The following ARB2A variants were observed in gnomAD, a reference collection of about 807,000 sequenced individuals.
ARB2A encodes the protein cotranscriptional regulator ARB2A.
the ARB2A span, among the ~76,000 whole-genome samples, chr5:93,834,693 T>C: frequency 2.0e-5 from 3 of 152,202 alleles, no homozygotes; most frequent in African/African-American, 4.8e-5. Context: ...ATTACATTAC[T>C]AATAATACAT....
the ARB2A span, among the ~76,000 whole-genome samples, chr5:93,640,574 ATGTGTGTGTG>A: frequency 1.4e-5 from 2 of 143,562 alleles, no homozygotes; most frequent in African/African-American, 2.6e-5. Context: ...GTGTGTGTGT[ATGTGTGTGTG>A]TGTGTGTGTG....
the ARB2A span, among the ~76,000 whole-genome samples, chr5:93,867,216 A>G: frequency 6.6e-6 from 1 of 152,192 alleles, no homozygotes; most frequent in African/African-American, 2.4e-5. Flanking sequence ...TTGCTATGAC[A>G]GAACCAATAT....
the ARB2A span, among the ~76,000 whole-genome samples, chr5:93,971,569 A>AAAATAAAT: frequency 0.57 from 78,594 of 138,974 alleles, 22,651 homozygotes; most frequent in East Asian, 0.63. Flanking sequence ...CTCCGTCTCA[A>AAAATAAAT]AAATAAATAA....
At chr5:93,777,055 A>G in the ARB2A span, among the ~76,000 whole-genome samples, 1 of 150,498 alleles carries the variant, frequency 6.6e-6, no homozygotes, top group African/African-American at 2.4e-5. Flanking sequence ...TAAAAATACT[A>G]TTTTTAAATT....
chr5:93,856,364 T>G, the ARB2A span, among the ~76,000 whole-genome samples: 1 of 152,226 alleles, frequency 6.6e-6, no homozygotes, highest in East Asian at 1.9e-4. Context: ...CTGGATAATA[T>G]CCTGCAGAGT....
chr5:94,089,428 G>T, the ARB2A span, among the ~76,000 whole-genome samples: 8 of 152,086 alleles, frequency 5.3e-5, no homozygotes, highest in Non-Finnish European at 1.2e-4. Context: ...TTTGCTAGAA[G>T]ACCGCAGGTA....
At chr5:93,737,995 T>A in the ARB2A span, 274 of 420,546 alleles carry the variant, frequency 6.5e-4, 1 homozygote, top group African/African-American at 5.5e-3. Context: ...TTAAAGTCTG[T>A]CTGCATCAAA....
chr5:93,673,518 T>C, the ARB2A span, among the ~76,000 whole-genome samples: 3 of 152,148 alleles, frequency 2.0e-5, no homozygotes, highest in African/African-American at 7.2e-5. Context: ...AAAGAACAAA[T>C]TGGCATAGGA....
chr5:93,762,980 C>T, the ARB2A span, among the ~76,000 whole-genome samples: 1 of 152,066 alleles, frequency 6.6e-6, no homozygotes, highest in African/African-American at 2.4e-5. Context: ...GAAATAAAAT[C>T]CTTTACAGAC....
the ARB2A span, among the ~76,000 whole-genome samples, chr5:94,053,914 G>A: frequency 2.0e-5 from 3 of 152,024 alleles, no homozygotes; most frequent in East Asian, 1.9e-4. Context: ...GACTACAGGC[G>A]GGTGCCCCCA....
chr5:93,772,077 C>T, the ARB2A span, among the ~76,000 whole-genome samples: 7 of 152,168 alleles, frequency 4.6e-5, no homozygotes, highest in African/African-American at 1.4e-4. Context: ...CAATGATAGA[C>T]TGGATTAAGA....
the ARB2A span, among the ~76,000 whole-genome samples, chr5:93,925,730 T>C: frequency 6.6e-6 from 1 of 152,148 alleles, no homozygotes; most frequent in African/African-American, 2.4e-5. Flanking sequence ...CCCTTATCCA[T>C]GGGGAGATAT....
the ARB2A span, among the ~76,000 whole-genome samples, chr5:94,068,121 C>T: frequency 6.6e-6 from 1 of 152,170 alleles, no homozygotes; most frequent in South Asian, 2.1e-4. Flanking sequence ...GGCAGCAAGC[C>T]TTTTGTTCTC....
At chr5:93,952,666 G>C in the ARB2A span, among the ~76,000 whole-genome samples, 4 of 152,048 alleles carry the variant, frequency 2.6e-5, no homozygotes, top group Non-Finnish European at 5.9e-5. Flanking sequence ...AAATCTGCTT[G>C]GAGTTCCATA....
chr5:93,896,467 T>C, the ARB2A span, among the ~76,000 whole-genome samples: 1 of 152,068 alleles, frequency 6.6e-6, no homozygotes, highest in Non-Finnish European at 1.5e-5. Context: ...GAAATGTAAA[T>C]GAATTTTGTG....
At chr5:93,679,368 G>A in the ARB2A span, among the ~76,000 whole-genome samples, 3 of 151,566 alleles carry the variant, frequency 2.0e-5, no homozygotes, top group Admixed American at 6.6e-5. Flanking sequence ...TCTTCAACAC[G>A]TCGAAAATGT....
At chr5:93,867,040 T>A in the ARB2A span, among the ~76,000 whole-genome samples, 1 of 152,158 alleles carries the variant, frequency 6.6e-6, no homozygotes, top group Non-Finnish European at 1.5e-5. Context: ...TACAAAAACA[T>A]GAGTTCCTCT....
At chr5:93,722,187 T>C in the ARB2A span, among the ~76,000 whole-genome samples, 1 of 152,210 alleles carries the variant, frequency 6.6e-6, no homozygotes, top group African/African-American at 2.4e-5. Flanking sequence ...ATCTTTATTA[T>C]TTCTTTGGGT....
the ARB2A span, among the ~76,000 whole-genome samples, chr5:94,014,380 T>C: frequency 6.6e-6 from 1 of 152,172 alleles, no homozygotes; most frequent in East Asian, 1.9e-4. Flanking sequence ...GCAGCAGCCT[T>C]GCAGTAAAGA....
Sources: gnomAD v4.1 joint callset for allele counts (sites outside exome capture counted in the v4.1 genomes callset) on GRCh38, gnomAD v4.1.1 for gene constraint, MANE v1.5 for transcripts, NCBI Gene and HGNC (gene_info 2026-07-23, HGNC 2026-07-21) for gene names.